Variants in CADM2 observed in about 807,000 individuals in gnomAD.
CADM2 encodes immunoglobulin superfamily member 4D.
In CADM2, 12 loss-of-function variants were observed where a neutral mutation model predicts 49.8. The observed-to-expected ratio is 0.24, with a 90% CI of 0.15 to 0.39. The LOEUF (loss-of-function observed/expected upper bound fraction) is 0.39. Ranked by LOEUF, CADM2 falls within the 10% of genes least tolerant of loss-of-function variation. CADM2 has a pLI of 1.00. For synonymous variants in CADM2, 214 were observed against 175.4 expected (o/e 1.22, Z -1.74); for missense variants, 378 against 492.3 (o/e 0.77, Z 2.20).
intron 1 of CADM2, among the ~76,000 whole-genome samples, chr3:85,455,825 G>A (rs1043195126): frequency 2.0e-5 from 3 of 152,128 alleles, no homozygotes; most frequent in African/African-American, 7.2e-5. Flanking sequence ...ATGGGCATGA[G>A]AAAGTGGGTA....
At chr3:86,063,193 G>A (rs748621165) in intron 8 of CADM2, among the ~76,000 whole-genome samples, 4 of 152,164 alleles carry the variant, frequency 2.6e-5, no homozygotes, top group Middle Eastern at 3.4e-3. Context: ...CTCAAGATCC[G>A]CAGATATGCA....
chr3:84,998,394 A>G (rs1381394362), intron 1 of CADM2, among the ~76,000 whole-genome samples: 2 of 152,156 alleles, frequency 1.3e-5, no homozygotes, highest in African/African-American at 2.4e-5. Context: ...TCCAATTTTA[A>G]GGTCCTGATG....
intron 2 of CADM2, among the ~76,000 whole-genome samples, chr3:85,727,576 C>A (rs758992615): frequency 2.0e-5 from 3 of 152,108 alleles, no homozygotes; most frequent in Non-Finnish European, 4.4e-5. Flanking sequence ...AATACATTCA[C>A]AGCAATTCAG....
chr3:86,059,294 G>C (rs1738348821), intron 8 of CADM2, among the ~76,000 whole-genome samples: 1 of 151,918 alleles, frequency 6.6e-6, no homozygotes, highest in South Asian at 2.1e-4. Context: ...CATTATGTAG[G>C]ATTTCTCCAT....
At chr3:85,873,235 G>A (rs891283048) in intron 3 of CADM2, among the ~76,000 whole-genome samples, 1 of 152,004 alleles carries the variant, frequency 6.6e-6, no homozygotes, top group Non-Finnish European at 1.5e-5. Flanking sequence ...TCAAACCATA[G>A]CATTAACAAA....
intron 1 of CADM2, among the ~76,000 whole-genome samples, chr3:85,235,921 G>A (rs2042397595): frequency 6.6e-6 from 1 of 152,050 alleles, no homozygotes; most frequent in African/African-American, 2.4e-5. Flanking sequence ...TGTATATTTT[G>A]TTGAAGCATC....
chr3:85,636,912 C>CT (rs1559957930), intron 1 of CADM2, among the ~76,000 whole-genome samples: 1 of 152,148 alleles, frequency 6.6e-6, no homozygotes, highest in Admixed American at 6.5e-5. Context: ...ATGATGTCTA[C>CT]ACAACAAAAT....
At position 86,063,643 on chromosome 3, in the gene CADM2, TCAAA is replaced by T. The variant is rs373789532; in HGVS notation, c.971-1959_971-1956del. On this transcript the variant is annotated intron_variant, in intron 8 of 9. Transcript: ENST00000383699. ...AGGTGTCTAGACGTTGTTTGAAGTT[TCAAA>T]CAGTCAGACTTTTTTTTCTATCTAG... is the stretch of plus-strand genomic sequence containing the variant. Among the ~76,000 whole-genome samples the T allele has an allele frequency of 8.7e-4, 130 of 150,210 alleles. 3 individuals carry two copies. In the East Asian group the frequency reaches 0.016, roughly 19 times the overall value.
chr3:84,978,383 T>G (rs2031963527), intron 1 of CADM2, among the ~76,000 whole-genome samples: 1 of 152,146 alleles, frequency 6.6e-6, no homozygotes, highest in African/African-American at 2.4e-5. Flanking sequence ...TTCTTTACAT[T>G]TTGAGCAGCT....
intron 1 of CADM2, among the ~76,000 whole-genome samples, chr3:85,107,591 T>G (rs1012741875): frequency 4.6e-5 from 7 of 151,462 alleles, no homozygotes; most frequent in African/African-American, 1.7e-4. Flanking sequence ...TTTCTTTTCT[T>G]TCTTTCTTTC....
At chr3:85,552,878 C>T (rs913004966) in intron 1 of CADM2, among the ~76,000 whole-genome samples, 1 of 151,900 alleles carries the variant, frequency 6.6e-6, no homozygotes, top group African/African-American at 2.4e-5. Flanking sequence ...AGGATTTCAC[C>T]GTGTTAGTCA....
intron 1 of CADM2, among the ~76,000 whole-genome samples, chr3:85,605,899 A>G (rs546528864): frequency 1.3e-5 from 2 of 152,214 alleles, no homozygotes; most frequent in South Asian, 2.1e-4. Flanking sequence ...CCTCAAATAT[A>G]AAATCTCATG....
chr3:85,308,691 A>G (rs1366837342), intron 1 of CADM2, among the ~76,000 whole-genome samples: 2 of 152,034 alleles, frequency 1.3e-5, no homozygotes, highest in East Asian at 3.9e-4. Context: ...AGAGCAGTGT[A>G]TATAGAAAGA....
chr3:85,143,295 C>A (rs1236427002), intron 1 of CADM2, among the ~76,000 whole-genome samples: 3 of 152,006 alleles, frequency 2.0e-5, no homozygotes, highest in Non-Finnish European at 4.4e-5. Context: ...CTAGCCTGTG[C>A]AACATAGTGA....
chr3:85,321,154 T>A (rs1231476861), intron 1 of CADM2, among the ~76,000 whole-genome samples: 4 of 57,342 alleles, frequency 7.0e-5, no homozygotes, highest in African/African-American at 3.4e-4. Context: ...TTTTTTTTTT[T>A]TTTTTTTTTT....
intron 3 of CADM2, among the ~76,000 whole-genome samples, chr3:85,808,042 A>G (rs2072564317): frequency 6.6e-6 from 1 of 152,198 alleles, no homozygotes; most frequent in African/African-American, 2.4e-5. Flanking sequence ...TGGTTGGACC[A>G]GAATTGTATT....
chr3:85,810,029 A>T (rs915800260), intron 3 of CADM2, among the ~76,000 whole-genome samples: 3 of 152,030 alleles, frequency 2.0e-5, no homozygotes, highest in Non-Finnish European at 2.9e-5. Context: ...AATAATACAG[A>T]TACAGGCATA....
intron 1 of CADM2, among the ~76,000 whole-genome samples, chr3:85,008,200 A>G (rs2033831856): frequency 6.6e-6 from 1 of 152,138 alleles, no homozygotes; most frequent in Admixed American, 6.6e-5. Flanking sequence ...AGGACCTCGT[A>G]ATCTATTTAT....
At chr3:85,941,129 C>T (rs1406171877) in intron 7 of CADM2, among the ~76,000 whole-genome samples, 3 of 151,972 alleles carry the variant, frequency 2.0e-5, no homozygotes, top group Non-Finnish European at 4.4e-5. Context: ...TTAATAATGA[C>T]AGTGTATATG....
Sources: allele counts gnomAD v4.1 joint callset (sites outside exome capture counted in the v4.1 genomes callset), GRCh38; gene constraint gnomAD v4.1.1; transcripts MANE v1.5; gene names NCBI Gene and HGNC (gene_info 2026-07-23, HGNC 2026-07-21).